CFAP77: variants seen among roughly 807,000 people sequenced by gnomAD.
CFAP77 encodes the protein cilia and flagella associated protein 77, also known as cilia- and flagella-associated protein 77.
Under a neutral mutation model 31.1 loss-of-function variants are expected in CFAP77, and 25 were observed. That is an observed-to-expected ratio of 0.80 (90% CI 0.59 to 1.12). The LOEUF (loss-of-function observed/expected upper bound fraction) is 1.12, where lower values mean the gene tolerates loss of function less well. Ranked by LOEUF, CFAP77 falls within the 50% of genes most tolerant of loss-of-function variation. The pLI is 0.00. For missense variants in CFAP77, 377 were observed against 397.3 expected, an observed-to-expected ratio of 0.95 and a Z score of 0.44; for synonymous variants, 151 against 159.9, an observed-to-expected ratio of 0.94 and a Z score of 0.42.
intron 1 of CFAP77, among the ~76,000 whole-genome samples, chr9:132,435,860 T>C (rs1850496858): frequency 2.0e-5 from 3 of 152,226 alleles, no homozygotes; most frequent in African/African-American, 7.2e-5. Flanking sequence ...TGTCACCCAC[T>C]GTACACTGGA....
chr9:132,532,479 G>A (rs1005104484), intron 3 of CFAP77, among the ~76,000 whole-genome samples: 12 of 152,170 alleles, frequency 7.9e-5, no homozygotes, highest in African/African-American at 2.9e-4. Flanking sequence ...TCCAGCATGG[G>A]CAGAACTTAC....
At chr9:132,439,752 G>T (rs1850582024) in intron 1 of CFAP77, among the ~76,000 whole-genome samples, 1 of 151,830 alleles carries the variant, frequency 6.6e-6, no homozygotes, top group South Asian at 2.1e-4. Context: ...GGAAGGCTGA[G>T]GCAGGAGAAT....
At chr9:132,536,713 G>T (rs947130749) in intron 3 of CFAP77, among the ~76,000 whole-genome samples, 17 of 152,080 alleles carry the variant, frequency 1.1e-4, no homozygotes, top group East Asian at 5.8e-4. Flanking sequence ...ACTTTTATAT[G>T]TGGTTTGGCC....
chr9:132,500,180 G>A (rs1851818578), intron 3 of CFAP77, among the ~76,000 whole-genome samples: 1 of 149,318 alleles, frequency 6.7e-6, no homozygotes. Context: ...ACCTGTCTCT[G>A]TCTTCATGGA....
At chr9:132,542,820 A>G (rs1852668267) in intron 4 of CFAP77, 126 bp from the exon 5 acceptor site, 3 of 540,776 alleles carry the variant, frequency 5.5e-6, no homozygotes, top group South Asian at 3.3e-5. Flanking sequence ...GGCTGGGGCC[A>G]GAAGGAAAGT....
At chr9:132,502,287 G>A (rs201623097) in intron 3 of CFAP77, among the ~76,000 whole-genome samples, 1 of 147,822 alleles carries the variant, frequency 6.8e-6, no homozygotes, top group Non-Finnish European at 1.5e-5. Context: ...TGGGGGAGGG[G>A]GGTGGTAGTT....
At chr9:132,507,150 T>G (rs778019483) in intron 3 of CFAP77, among the ~76,000 whole-genome samples, 2 of 152,204 alleles carry the variant, frequency 1.3e-5, no homozygotes, top group African/African-American at 2.4e-5. Flanking sequence ...CCTGATAAAC[T>G]CAAACTTCTT....
chr9:132,542,911 C>T, intron 4 of CFAP77, 35 bp from the exon 5 acceptor site: 1 of 1,546,946 alleles, frequency 6.5e-7, no homozygotes, highest in South Asian at 1.1e-5. Context: ...AGTAGCCGGG[C>T]AACCATCTCA....
At chr9:132,486,725 G>T (rs141655754) in intron 1 of CFAP77, among the ~76,000 whole-genome samples, 391 of 152,350 alleles carry the variant, frequency 2.6e-3, no homozygotes, top group Middle Eastern at 3.4e-3. Flanking sequence ...CTCGCTGCTC[G>T]CTGCCTTCTC....
At position 132,499,082 on chromosome 9, in the gene CFAP77, C is replaced by T. The variant is rs528837801; in HGVS notation, c.295+288C>T. On this transcript the variant is annotated intron_variant, in intron 2 of 5. Transcript: ENST00000393216. This position sits in a 1 kb window ranked among gnomAD's most constrained non-coding sequence, Gnocchi z 5.4. ...TGTGTGCACTATGCTGCTCACGTTA[C>T]AAGAATGGAATGAGACTGGGACCAA... 4.5e-4 allele frequency among the ~76,000 whole-genome samples: 68 copies of T among 152,272 alleles called. No homozygotes were observed. The highest frequency in any genetic ancestry group is 1.6e-3 in the African/African-American group (68 of 41,558).
chr9:132,523,104 T>TTC, intron 3 of CFAP77, among the ~76,000 whole-genome samples: 1 of 151,750 alleles, frequency 6.6e-6, no homozygotes, highest in African/African-American at 2.4e-5. Context: ...TTTTTTTTTT[T>TTC]TGAGACAGGG....
chr9:132,510,106 C>T (rs986254645), intron 3 of CFAP77, among the ~76,000 whole-genome samples: 4 of 152,170 alleles, frequency 2.6e-5, no homozygotes, highest in East Asian at 3.9e-4. Flanking sequence ...CTGATGGGCC[C>T]GTAATGGATG....
intron 1 of CFAP77, among the ~76,000 whole-genome samples, chr9:132,420,343 A>C (rs1259151247): frequency 6.6e-6 from 1 of 151,806 alleles, no homozygotes; most frequent in African/African-American, 2.4e-5. Flanking sequence ...CCTAGAGCAA[A>C]GGCACATCAC....
intron 1 of CFAP77, among the ~76,000 whole-genome samples, chr9:132,433,821 T>G (rs1481251790): frequency 2.0e-5 from 3 of 152,156 alleles, no homozygotes; most frequent in African/African-American, 7.2e-5. Context: ...GTGCTGTGAT[T>G]ACAGGTGTGA....
At chr9:132,553,484 G>A (rs1852852720) in intron 5 of CFAP77, among the ~76,000 whole-genome samples, 1 of 152,144 alleles carries the variant, frequency 6.6e-6, no homozygotes, top group African/African-American at 2.4e-5. Flanking sequence ...ATTTTGGGTG[G>A]ACACATTCAG....
intron 1 of CFAP77, among the ~76,000 whole-genome samples, chr9:132,421,433 C>T (rs190132399): frequency 8.5e-5 from 13 of 152,284 alleles, no homozygotes; most frequent in African/African-American, 3.1e-4. Context: ...TACAGAATTA[C>T]AAATAATTTT....
At chr9:132,436,576 A>T (rs950676295) in intron 1 of CFAP77, among the ~76,000 whole-genome samples, 2 of 152,144 alleles carry the variant, frequency 1.3e-5, no homozygotes, top group Admixed American at 6.6e-5. Flanking sequence ...TTCTCTTCCT[A>T]GTTTTTTCAT....
intron 1 of CFAP77, among the ~76,000 whole-genome samples, chr9:132,447,896 G>C (rs1850754956): frequency 1.3e-5 from 2 of 152,168 alleles, no homozygotes; most frequent in Admixed American, 1.3e-4. Context: ...CTACTTAGGA[G>C]TCCAGTTTAC....
Position 132,410,395 on chromosome 9 carries a change from C to T in CFAP77, c.124C>T (p.Arg42Cys). ...GCGGCCCCTGACCGTGGCGGACATC[C>T]GTTCCGGCATGGAGAACGAGCGGCT... ...PRRPLTVADIRSGMENERLGV... is the reference protein window; with the variant it reads ...PRRPLTVADICSGMENERLGV... Residue 42 changes from arginine to cysteine, a missense_variant, in exon 1 of 6, where the codon CGT becomes TGT. Transcript: ENST00000393216. The T allele has an allele frequency of 6.2e-7, 1 of 1,601,558 alleles. No homozygotes were observed. The highest frequency in any genetic ancestry group is 8.5e-7 in the Non-Finnish European group (1 of 1,175,420).
Sources: gnomAD v4.1 joint callset for allele counts (sites outside exome capture counted in the v4.1 genomes callset) on GRCh38, gnomAD v4.1.1 for gene constraint, Gnocchi (gnomAD v3.1) non-coding constraint, MANE v1.5 for transcripts, NCBI Gene and HGNC (gene_info 2026-07-23, HGNC 2026-07-21) for gene names.